The following SAP18 variants were observed in gnomAD, a reference collection of about 807,000 sequenced individuals.
SAP18 encodes the protein Sin3A associated protein 18.
Under a neutral mutation model 18.6 loss-of-function variants are expected in SAP18, and 4 were observed. The observed-to-expected ratio is 0.21, with a 90% CI of 0.11 to 0.49. The LOEUF (loss-of-function observed/expected upper bound fraction) is 0.49. SAP18 is among the 20% of genes least tolerant of loss of function. The probability of loss-of-function intolerance (pLI) is 0.98; values close to 1 mark genes in which losing one functional copy is unlikely to be tolerated. For synonymous variants in SAP18, 112 were observed against 82.8 expected (o/e 1.35, Z -1.92); for missense variants, 170 against 226.4 (o/e 0.75, Z 1.60).
chr13:21,146,751 A>T, intron 2 of SAP18, 54 bp from the exon 3 acceptor site: 2 of 1,412,744 alleles, frequency 1.4e-6, no homozygotes, highest in Non-Finnish European at 1.9e-6. Context: ...ATCCCTTTTA[A>T]TATTATTGCT....
Position 21,144,392 on chromosome 13 carries a change from C to T in SAP18, c.240-2413C>T, listed in dbSNP as rs542595245. Among the ~76,000 whole-genome samples the T allele has an allele frequency of 7.5e-5, 8 of 106,570 alleles. No individual in the cohort carries two copies. The South Asian group carries it at 1.0e-3, about 14-fold the overall frequency. The allele number at this position is 106,570 out of a possible 152,430, so 69.9% of individuals were successfully genotyped here. A position where few individuals can be genotyped will look rare whatever the true frequency, so the allele number is the denominator to read the frequency against. On this transcript the variant is annotated intron_variant, in intron 2 of 3. Coordinates refer to ENST00000621421, the Ensembl canonical transcript of SAP18. ...CTGCACTCCAGCCCGGGCGACAGAG[C>T]GGGACTCCATCTCAAAAAAAAAAAA...
At chr13:21,140,589 C>T (rs763338973) in exon 1 of SAP18, 7 of 1,608,890 alleles carry the variant, frequency 4.4e-6, no homozygotes, top group Admixed American at 1.7e-5. Flanking sequence ...GGGCGAGCGT[C>T]TCGCAGGCCG....
chr13:21,144,387 CAG>C (rs1869568449), intron 2 of SAP18, among the ~76,000 whole-genome samples: 1 of 119,648 alleles, frequency 8.4e-6, no homozygotes, highest in African/African-American at 3.4e-5. Context: ...GCCCGGGCGA[CAG>C]AGCGGGACTC....
intron 2 of SAP18, among the ~76,000 whole-genome samples, chr13:21,145,362 T>C (rs1386466781): frequency 6.6e-6 from 1 of 152,168 alleles, no homozygotes; most frequent in African/African-American, 2.4e-5. Context: ...ATGCAAAAAT[T>C]CTAAAATTTG....
chr13:21,144,431 A>AAAAAAG (rs1565986452), intron 2 of SAP18, among the ~76,000 whole-genome samples: 1 of 130,618 alleles, frequency 7.7e-6, no homozygotes, highest in Non-Finnish European at 1.6e-5. Context: ...AAAAAAAAAA[A>AAAAAAG]GCTTTATTGC....
exon 4 of SAP18, chr13:21,148,253 CGGA>C (rs1303268311): frequency 6.6e-6 from 1 of 152,108 alleles, no homozygotes; most frequent in Non-Finnish European, 1.5e-5. Context: ...TTTTGTAAAA[CGGA>C]GATAACGGCC....
rs762835068 is a variant in SAP18 at position 21,140,577 on chromosome 13, C to T, written c.25C>T (p.Gln9Ter). 128 of 1,604,494 alleles carry T rather than the reference C, an allele frequency of 8.0e-5. 1 individual carries two copies. Among genetic ancestry groups the T allele is most frequent in the South Asian group, 7.5e-4 (67 of 89,610 alleles). ...CATGCTCGCTGCAGGGGTCGGAGGT[C>T]AGGGCGAGCGTCTCGCAGGCCGTAG... The change falls in exon 1 of 4, where the codon CAG (glutamine) becomes TAG (stop). Residue 9 changes from glutamine to a stop codon, truncating the protein, a stop_gained. Coordinates refer to ENST00000621421, the Ensembl canonical transcript of SAP18. LOFTEE classifies it high-confidence loss of function.
rs1565985626 is a variant in SAP18 at position 21,141,006 on chromosome 13, CG to C, written c.239+15del. On this transcript the variant is annotated intron_variant, in intron 2 of 3. Transcript: ENST00000621421. ...GCAGATCTACACTTGGTGAGGAGGG[CG>C]GGGTGGCCTCAGGGACCCGGGCCGG... is the stretch of plus-strand genomic sequence containing the variant. 2.5e-6 allele frequency: 4 copies of C among 1,582,174 alleles called. No individual in the cohort carries two copies. The highest frequency in any genetic ancestry group is 2.2e-5 in the East Asian group (1 of 44,728).
exon 4 of SAP18, chr13:21,147,455 A>C (rs1326657132): frequency 1.1e-6 from 1 of 918,404 alleles, no homozygotes; most frequent in African/African-American, 1.7e-5. Context: ...ACAAATTATA[A>C]TGCATCATCT....
At chr13:21,147,501 T>C (rs1869690214) in exon 4 of SAP18, 3 of 668,472 alleles carry the variant, frequency 4.5e-6, no homozygotes, top group East Asian at 2.8e-5. Flanking sequence ...TATTGTATGA[T>C]TACGAATAGT....
intron 2 of SAP18, chr13:21,141,391 A>T (rs971545637): frequency 9.5e-6 from 2 of 209,872 alleles, no homozygotes; most frequent in Non-Finnish European, 2.0e-5. Flanking sequence ...GTTATTCTCA[A>T]AGAGCATTTC....
chr13:21,147,270 A>C, exon 4 of SAP18: 1 of 1,614,136 alleles, frequency 6.2e-7, no homozygotes, highest in Non-Finnish European at 8.5e-7. Context: ...TCCAGATAGG[A>C]GATTACTTGG....
chr13:21,147,533 G>C (rs1869691060), exon 4 of SAP18: 1 of 579,808 alleles, frequency 1.7e-6, no homozygotes, highest in Non-Finnish European at 3.0e-6. Context: ...AAGCCCTTCT[G>C]TAAAATATGA....
At chr13:21,140,338 G>GA (rs904151140), upstream of SAP18, among the ~76,000 whole-genome samples, 7 of 152,174 alleles carry the variant, frequency 4.6e-5, no homozygotes, top group African/African-American at 1.4e-4. Flanking sequence ...ATATTTAAGG[G>GA]AAAAAAACAT....
intron 2 of SAP18, among the ~76,000 whole-genome samples, chr13:21,145,262 A>AT (rs1869611438): frequency 6.6e-6 from 1 of 151,960 alleles, no homozygotes; most frequent in African/African-American, 2.4e-5. Flanking sequence ...GATGTATAAA[A>AT]TTGTATTCCA....
intron 2 of SAP18, 33 bp downstream of exon 2, chr13:21,141,028 G>T (rs1869448166): frequency 2.2e-6 from 3 of 1,380,790 alleles, no homozygotes; most frequent in Non-Finnish European, 2.1e-6. Flanking sequence ...AGGGACCCGG[G>T]CCGGGAACCT....
chr13:21,147,701 C>T (rs146031677), exon 4 of SAP18: 31 of 173,548 alleles, frequency 1.8e-4, no homozygotes, highest in East Asian at 8.3e-4. Context: ...AAGAAAGCCA[C>T]GGGATTGTAT....
At chr13:21,145,342 T>C (rs1869614514) in intron 2 of SAP18, among the ~76,000 whole-genome samples, 1 of 152,162 alleles carries the variant, frequency 6.6e-6, no homozygotes, top group African/African-American at 2.4e-5. Flanking sequence ...CCCCAAGATA[T>C]CTTACGTATA....
chr13:21,141,858 G>T lies in SAP18; in HGVS notation c.239+863G>T, dbSNP rs561610244. 2.6e-5 allele frequency among the ~76,000 whole-genome samples: 4 copies of T among 151,684 alleles called. No individual in the cohort carries two copies. The East Asian group carries it at 5.9e-4, about 22-fold the overall frequency. ...ATTTTTGTATTTTTAGTAGAGATGG[G>T]GTTTCACCGTATTGACCAGGCTGGT... is the stretch of plus-strand genomic sequence containing the variant. On this transcript the variant is annotated intron_variant, in intron 2 of 3. Coordinates refer to ENST00000621421, the Ensembl canonical transcript of SAP18.
Sources: allele counts gnomAD v4.1 joint callset (sites outside exome capture counted in the v4.1 genomes callset), GRCh38; gene constraint gnomAD v4.1.1; transcripts MANE v1.5; gene names NCBI Gene and HGNC (gene_info 2026-07-23, HGNC 2026-07-21).